SRBD1: variants seen among roughly 807,000 people sequenced by gnomAD.
The protein encoded by SRBD1 is S1 RNA binding domain 1, also known as S1 RNA-binding domain-containing protein 1.
Under a neutral mutation model 115.3 loss-of-function variants are expected in SRBD1, and 88 were observed. The observed-to-expected ratio is 0.76, with a 90% CI of 0.64 to 0.91. The LOEUF (loss-of-function observed/expected upper bound fraction) is 0.91. Ranked by LOEUF, SRBD1 falls within the 40% of genes least tolerant of loss-of-function variation. SRBD1 has a pLI of 0.00. For missense variants in SRBD1, 1,385 were observed against 1,177.4 expected (o/e 1.18, Z -2.58); for synonymous variants, 509 against 407.7 (o/e 1.25, Z -2.99).
chr2:45,519,552 C>T (rs967831393), intron 14 of SRBD1, among the ~76,000 whole-genome samples: 6 of 152,174 alleles, frequency 3.9e-5, no homozygotes. Context: ...CATTCATACT[C>T]TTTCATTTCC....
At chr2:45,454,444 T>G (rs189109013) in intron 16 of SRBD1, among the ~76,000 whole-genome samples, 1 of 152,004 alleles carries the variant, frequency 6.6e-6, no homozygotes. Flanking sequence ...TAATACAAAT[T>G]AATAGTTGTA....
rs577416234 is a variant in SRBD1 at position 45,479,907 on chromosome 2, T to G, written c.1967-2832A>C. 2.6e-5 allele frequency among the ~76,000 whole-genome samples: 4 copies of G among 152,288 alleles called. No individual in the cohort carries two copies. In the East Asian group the frequency reaches 7.7e-4, roughly 29 times the overall value. ...TTAGAGGGGAATGCAGCTGGTGACT[T>G]TAAGCTGAAGTCAAGGCTCATTTGC... On this transcript the variant is annotated intron_variant, in intron 15 of 20. Coordinates refer to ENST00000263736, the MANE Select transcript of SRBD1 (RefSeq NM_018079.5).
chr2:45,542,253 G>T (rs73927531), intron 14 of SRBD1, among the ~76,000 whole-genome samples: 136 of 152,380 alleles, frequency 8.9e-4, no homozygotes, highest in African/African-American at 3.1e-3. Flanking sequence ...TCGCAACAGT[G>T]CCTAGGCTCG....
rs572321666 is a variant in SRBD1 at position 45,461,370 on chromosome 2, C to G, written c.2049+15623G>C. On this transcript the variant is annotated intron_variant, in intron 16 of 20. Coordinates refer to ENST00000263736, the MANE Select transcript of SRBD1 (RefSeq NM_018079.5). ...ACATCTGGAAAATGACGGAGTCTTT[C>G]AAAAATACTGCTGGGAAGATGACCT... Among the ~76,000 whole-genome samples the G allele has an allele frequency of 4.9e-4, 74 of 152,242 alleles. 2 individuals are homozygous for G. The South Asian group carries it at 0.015, about 30-fold the overall frequency.
At chr2:45,491,868 C>G (rs1389906462) in intron 14 of SRBD1, among the ~76,000 whole-genome samples, 1 of 152,144 alleles carries the variant, frequency 6.6e-6, no homozygotes, top group Non-Finnish European at 1.5e-5. Context: ...GTCGCCCAGG[C>G]TGGAATGCAA....
intron 16 of SRBD1, among the ~76,000 whole-genome samples, chr2:45,444,671 T>A (rs1668768010): frequency 6.6e-6 from 1 of 152,216 alleles, no homozygotes; most frequent in Admixed American, 6.5e-5. Flanking sequence ...ATCACATACA[T>A]ATGTTAGTTG....
At chr2:45,447,348 G>A (rs1031485994) in intron 16 of SRBD1, 10 of 152,542 alleles carry the variant, frequency 6.6e-5, no homozygotes, top group Admixed American at 6.5e-4. Flanking sequence ...TTGGGAGGCT[G>A]AGGCAGGAGA....
chr2:45,461,144 C>T (rs1487961044), intron 16 of SRBD1, among the ~76,000 whole-genome samples: 1 of 152,152 alleles, frequency 6.6e-6, no homozygotes, highest in African/African-American at 2.4e-5. Context: ...AGGAATGACA[C>T]AATTTTTAGA....
chr2:45,552,721 A>T (rs1378528552), intron 11 of SRBD1, among the ~76,000 whole-genome samples: 1 of 152,238 alleles, frequency 6.6e-6, no homozygotes, highest in Non-Finnish European at 1.5e-5. Context: ...CAATATTTTT[A>T]GGCTACATCT....
At chr2:45,465,217 C>T (rs866310552) in intron 16 of SRBD1, among the ~76,000 whole-genome samples, 1 of 152,038 alleles carries the variant, frequency 6.6e-6, no homozygotes, top group Non-Finnish European at 1.5e-5. Context: ...ATACCTAATA[C>T]GGTGTAAAGG....
At chr2:45,474,936 G>A (rs1309505070) in intron 16 of SRBD1, among the ~76,000 whole-genome samples, 1 of 152,142 alleles carries the variant, frequency 6.6e-6, no homozygotes, top group Non-Finnish European at 1.5e-5. Context: ...TGATGGTAGT[G>A]TAATTAAAGA....
intron 10 of SRBD1, among the ~76,000 whole-genome samples, chr2:45,559,345 A>G (rs1377301710): frequency 6.6e-6 from 1 of 152,176 alleles, no homozygotes; most frequent in Non-Finnish European, 1.5e-5. Flanking sequence ...TCAACATCTC[A>G]ATCTTCATTC....
chr2:45,523,245 CA>C, intron 14 of SRBD1, among the ~76,000 whole-genome samples: 2 of 126,446 alleles, frequency 1.6e-5, no homozygotes, highest in East Asian at 4.6e-4. Context: ...CATCTTAAAT[CA>C]ATAACCCAAC....
rs111917126 is a variant in SRBD1 at position 45,392,871 on chromosome 2, T to C, written c.2698+74A>G. 376 of 1,348,370 alleles carry C rather than the reference T, an allele frequency of 2.8e-4. 1 individual carries two copies. Among genetic ancestry groups the C allele is most frequent in the African/African-American group, 1.9e-3 (127 of 68,318 alleles). 83.5% of individuals were successfully genotyped at this position (1,348,370 alleles called of 1,614,324 possible). A position where few individuals can be genotyped will look rare whatever the true frequency, so the allele number is the denominator to read the frequency against. The stretch of plus-strand genomic sequence containing the variant: ...TATCCATTCTGCTTATGGCATAGGA[T>C]TGCTGTGAGGATCAAAGGAGATAAT... On this transcript the variant is annotated intron_variant, in intron 20 of 20. Coordinates refer to ENST00000263736, the MANE Select transcript of SRBD1 (RefSeq NM_018079.5).
At chr2:45,579,837 A>G (rs75746065) in intron 7 of SRBD1, 38 bp downstream of exon 7, 4 of 1,481,202 alleles carry the variant, frequency 2.7e-6, no homozygotes, top group Admixed American at 2.5e-5. Context: ...AAAAAAAAAA[A>G]AAGAAACAAA....
intron 18 of SRBD1, among the ~76,000 whole-genome samples, chr2:45,414,582 AGT>A (rs1202237491): frequency 3.2e-4 from 44 of 137,282 alleles, no homozygotes; most frequent in South Asian, 1.8e-3. Flanking sequence ...GTGTGTATAT[AGT>A]GTGTGTGTAC....
chr2:45,611,205 C>A lies in SRBD1; in HGVS notation c.-1+14G>T, dbSNP rs1394083146. Reference sequence around the variant, plus strand: ...AACCCGCAAGACGACCGCCAAGGCGCACGCACAGCTCACCTTCCCGCCCGG... The same window carrying A: ...AACCCGCAAGACGACCGCCAAGGCGAACGCACAGCTCACCTTCCCGCCCGG... On this transcript the variant is annotated intron_variant, in intron 1 of 20. Coordinates refer to ENST00000263736, the MANE Select transcript of SRBD1 (RefSeq NM_018079.5). The A allele has an allele frequency of 1.3e-5, 2 of 152,224 alleles. No homozygotes were observed. Among genetic ancestry groups the A allele is most frequent in the Non-Finnish European group, 2.9e-5 (2 of 68,054 alleles). 9.4% of individuals were successfully genotyped at this position (152,224 alleles called of 1,614,324 possible).
At chr2:45,539,625 G>T (rs1484906060) in intron 14 of SRBD1, among the ~76,000 whole-genome samples, 1 of 152,184 alleles carries the variant, frequency 6.6e-6, no homozygotes, top group African/African-American at 2.4e-5. Context: ...TGTCTGGTCT[G>T]CAGCCTAAAT....
intron 16 of SRBD1, among the ~76,000 whole-genome samples, chr2:45,425,138 T>C (rs1668114862): frequency 6.6e-6 from 1 of 152,194 alleles, no homozygotes; most frequent in Non-Finnish European, 1.5e-5. Flanking sequence ...TCAGGCCACT[T>C]TGAGTAAGGA....
Sources: allele counts gnomAD v4.1 joint callset (sites outside exome capture counted in the v4.1 genomes callset), GRCh38; gene constraint gnomAD v4.1.1; transcripts MANE v1.5; gene names NCBI Gene and HGNC (gene_info 2026-07-23, HGNC 2026-07-21).